KLRD1: variants seen among roughly 807,000 people sequenced by gnomAD.
KLRD1 encodes killer cell lectin like receptor D1.
Under a neutral mutation model 22.6 loss-of-function variants are expected in KLRD1, and 21 were observed. That is an observed-to-expected ratio of 0.93 (90% CI 0.66 to 1.34). The LOEUF is 1.34. Ranked by LOEUF, KLRD1 falls within the 40% of genes most tolerant of loss-of-function variation. The pLI, the probability that KLRD1 is intolerant of heterozygous loss-of-function variation, is 0.00. For synonymous variants in KLRD1, 59 were observed against 71.1 expected (o/e 0.83, Z 0.85); for missense variants, 183 against 208.6 (o/e 0.88, Z 0.76).
At chr12:10,302,547 G>T (rs957615209), upstream of KLRD1, among the ~76,000 whole-genome samples, 3 of 152,114 alleles carry the variant, frequency 2.0e-5, no homozygotes, top group African/African-American at 7.2e-5. Flanking sequence ...GGTAGAACTG[G>T]AGTTATCACT....
At chr12:10,271,136 C>G (rs1358704364) in intron 1 of KLRD1, among the ~76,000 whole-genome samples, 1 of 149,296 alleles carries the variant, frequency 6.7e-6, no homozygotes, top group Non-Finnish European at 1.5e-5. Context: ...ATCTTTGTAA[C>G]AGAACTAGGT....
intron 1 of KLRD1, among the ~76,000 whole-genome samples, chr12:10,279,843 G>A (rs1949624455): frequency 6.6e-6 from 1 of 152,002 alleles, no homozygotes; most frequent in African/African-American, 2.4e-5. Flanking sequence ...TGAAGCTAAT[G>A]TTGTTACCTG....
In KLRD1 at chr12:10,314,722, C is replaced by A. The variant is rs1183650472; in HGVS notation, c.469C>A (p.Pro157Thr). The change falls in exon 6 of 6, where the codon CCA (proline) becomes ACA (threonine). Residue 157 changes from proline to threonine, a missense_variant. Pro to Thr is a conservative substitution (Grantham distance 38). Coordinates refer to ENST00000336164, the MANE Select transcript of KLRD1 (RefSeq NM_002262.5). ...TACAAAGAACTGCATAGCGTATAATCCAAATGGAAATGCTTTAGATGAATC... is the reference window on the plus strand; with the variant it reads ...TACAAAGAACTGCATAGCGTATAATACAAATGGAAATGCTTTAGATGAATC... ...FNTKNCIAYN[P>T]NGNALDESCE... 5 of 1,596,956 alleles carry A rather than the reference C, an allele frequency of 3.1e-6. No homozygotes were observed. Among genetic ancestry groups the A allele is most frequent in the African/African-American group, 2.7e-5 (2 of 74,462 alleles).
intron 1 of KLRD1, among the ~76,000 whole-genome samples, chr12:10,253,580 C>A (rs1949364708): frequency 6.6e-6 from 1 of 152,148 alleles, no homozygotes; most frequent in Non-Finnish European, 1.5e-5. Flanking sequence ...ACCCTATCCC[C>A]TTGAGTAGAC....
intron 1 of KLRD1, among the ~76,000 whole-genome samples, chr12:10,295,105 T>C (rs1949810138): frequency 6.6e-6 from 1 of 152,226 alleles, no homozygotes; most frequent in South Asian, 2.1e-4. Context: ...TTAGTATTTG[T>C]CAATATGTAT....
chr12:10,255,264 A>G (rs1396292903), intron 1 of KLRD1, among the ~76,000 whole-genome samples: 1 of 152,166 alleles, frequency 6.6e-6, no homozygotes, highest in Non-Finnish European at 1.5e-5. Context: ...CATTGTAGCT[A>G]AAGGTTTACT....
chr12:10,253,240 C>T (rs1949361460), intron 1 of KLRD1, among the ~76,000 whole-genome samples: 1 of 151,992 alleles, frequency 6.6e-6, no homozygotes, highest in African/African-American at 2.4e-5. Flanking sequence ...CTTTTTGCCC[C>T]CTCCTATGTA....
intron 3 of KLRD1, 115 bp from the exon 4 acceptor site, chr12:10,311,349 A>G (rs1950064548): frequency 2.1e-6 from 2 of 931,220 alleles, no homozygotes; most frequent in Admixed American, 2.4e-5. Flanking sequence ...TGGTGTATAC[A>G]GTAGATTCTG....
Position 10,327,944 on chromosome 12 carries a change from A to G in KLRD1, c.*13151A>G, listed in dbSNP as rs1474010402. 6.6e-6 allele frequency: 1 copy of G among 152,162 alleles called. No homozygotes were observed. The highest frequency in any genetic ancestry group is 1.5e-5 in the Non-Finnish European group (1 of 68,014). 9.4% of individuals were successfully genotyped at this position (152,162 alleles called of 1,614,324 possible). On this transcript the variant is annotated 3_prime_UTR_variant, in exon 6 of 6. Transcript: ENST00000336164. ...ACAGGTGACATTTATCCTTCATTCT[A>G]TTAATGTGGTATATTACATTAATTG...
At chr12:10,284,025 A>T (rs895235719) in intron 1 of KLRD1, among the ~76,000 whole-genome samples, 1 of 131,500 alleles carries the variant, frequency 7.6e-6, no homozygotes, top group African/African-American at 2.9e-5. Flanking sequence ...AAAATACAAA[A>T]AAAAAAAAAA....
At chr12:10,243,190 C>G (rs1241001689) in intron 1 of KLRD1, among the ~76,000 whole-genome samples, 1 of 151,988 alleles carries the variant, frequency 6.6e-6, no homozygotes, top group East Asian at 1.9e-4. Flanking sequence ...CTTTTGAGAT[C>G]TATTGCACAA....
At chr12:10,254,225 G>A (rs1256304524) in intron 1 of KLRD1, among the ~76,000 whole-genome samples, 2 of 151,364 alleles carry the variant, frequency 1.3e-5, no homozygotes, top group African/African-American at 4.9e-5. Context: ...TCAGGAGCTC[G>A]AGACCATTCT....
At chr12:10,265,438 A>C (rs2137636314) in intron 1 of KLRD1, among the ~76,000 whole-genome samples, 1 of 152,324 alleles carries the variant, frequency 6.6e-6, no homozygotes, top group South Asian at 2.1e-4. Context: ...GCACAACATC[A>C]TTACAGAGGA....
chr12:10,239,484 T>TCTTC lies in KLRD1; in HGVS notation c.-101+13269_-101+13272dup, dbSNP rs139303489. ...TTCCTTCCTTCCTTCCTTCCTTCCT[T>TCTTC]CTTCCTTCCTTCCTTCCTTCCCTCC... On this transcript the variant is annotated intron_variant, in intron 1 of 5. Transcript: ENST00000544747. 9.9e-3 allele frequency among the ~76,000 whole-genome samples: 1,264 copies of TCTTC among 127,564 alleles called. 66 individuals carry two copies. Among genetic ancestry groups the TCTTC allele is most frequent in the African/African-American group, 0.039 (1,209 of 30,636 alleles). The allele number at this position is 127,564 out of a possible 152,430, so 83.7% of individuals were successfully genotyped here. A position where few individuals can be genotyped will look rare whatever the true frequency, so the allele number is the denominator to read the frequency against.
upstream of KLRD1, among the ~76,000 whole-genome samples, chr12:10,305,699 G>A (rs1475303665): frequency 6.6e-6 from 1 of 152,048 alleles, no homozygotes; most frequent in Non-Finnish European, 1.5e-5. Flanking sequence ...GCAGTTATTG[G>A]AGAAAAAAAG....
At chr12:10,292,732 T>G (rs1033405699) in intron 1 of KLRD1, among the ~76,000 whole-genome samples, 2 of 152,120 alleles carry the variant, frequency 1.3e-5, no homozygotes, top group African/African-American at 4.8e-5. Flanking sequence ...TCAACTTAAG[T>G]CACCAGTTAG....
intron 1 of KLRD1, among the ~76,000 whole-genome samples, chr12:10,297,721 T>C: frequency 6.6e-6 from 1 of 152,226 alleles, no homozygotes; most frequent in East Asian, 1.9e-4. Context: ...ATTGTTTCTA[T>C]GTATTATTCA....
chr12:10,262,157 A>G (rs1013828587), intron 1 of KLRD1, among the ~76,000 whole-genome samples: 4 of 152,122 alleles, frequency 2.6e-5, no homozygotes, highest in Non-Finnish European at 4.4e-5. Context: ...AAAATTCTCT[A>G]TTGATAATTA....
At position 10,316,439 on chromosome 12, in the gene KLRD1, A is replaced by G. The variant is rs1457081067; in HGVS notation, c.*1646A>G. The G allele has an allele frequency of 6.6e-6, 1 of 151,706 alleles. No homozygotes were observed. The highest frequency in any genetic ancestry group is 2.4e-5 in the African/African-American group (1 of 41,210). 9.4% of individuals were successfully genotyped at this position (151,706 alleles called of 1,614,324 possible). ...TTTTCTGAGACACGGTTTCATTCCC[A>G]TTGCCCAGGCTGTAGTGCAATGATG... On this transcript the variant is annotated 3_prime_UTR_variant, in exon 6 of 6. Transcript: ENST00000336164.
Sources: gnomAD v4.1 joint callset for allele counts (sites outside exome capture counted in the v4.1 genomes callset) on GRCh38, gnomAD v4.1.1 for gene constraint, MANE v1.5 for transcripts, NCBI Gene and HGNC (gene_info 2026-07-23, HGNC 2026-07-21) for gene names.